The following DNAH14 variants were observed in gnomAD, a reference collection of about 807,000 sequenced individuals.
DNAH14 encodes the protein dynein axonemal heavy chain 14.
In DNAH14, 478 loss-of-function variants were observed where a neutral mutation model predicts 520.9. That is an observed-to-expected ratio of 0.92 (90% CI 0.85 to 0.99). The LOEUF (loss-of-function observed/expected upper bound fraction) is 0.99, where lower values mean the gene tolerates loss of function less well. DNAH14 is among the 50% of genes least tolerant of loss of function. DNAH14 has a pLI of 0.00. For missense variants in DNAH14, 4,831 were observed against 5,234.5 expected, an observed-to-expected ratio of 0.92 and a Z score of 2.38; for synonymous variants, 1,581 against 1,757.2, an observed-to-expected ratio of 0.90 and a Z score of 2.51.
At chr1:225,353,571 A>T (rs1055156058) in intron 72 of DNAH14, among the ~76,000 whole-genome samples, 7 of 152,042 alleles carry the variant, frequency 4.6e-5, no homozygotes, top group African/African-American at 1.7e-4. Flanking sequence ...TCACCACTTC[A>T]GTTGGTCCAA....
intron 17 of DNAH14, among the ~76,000 whole-genome samples, chr1:225,054,104 G>T (rs1418424733): frequency 1.3e-5 from 2 of 152,138 alleles, no homozygotes; most frequent in Non-Finnish European, 2.9e-5. Context: ...ACAGTGGCAG[G>T]CAGTAAAGAC....
In DNAH14 at chr1:225,271,990, G is replaced by A; in HGVS notation, c.7756G>A (p.Ala2586Thr). 1.9e-6 allele frequency: 3 copies of A among 1,550,710 alleles called. No individual in the cohort carries two copies. The highest frequency in any genetic ancestry group is 2.6e-6 in the Non-Finnish European group (3 of 1,146,524). The stretch of plus-strand genomic sequence containing the variant: ...GGATCAGATAATATCTTGTTCCCTA[G>A]CTATATACCATCAAGTACGTCAGAA... ...SKDQIISCSLAIYHQVRQNML... is the reference protein window; with the variant it reads ...SKDQIISCSLTIYHQVRQNML... Residue 2586 changes from alanine to threonine, a missense_variant, in exon 51 of 86, where the codon GCT (alanine) becomes ACT (threonine). Coordinates refer to ENST00000682510, the MANE Select transcript of DNAH14 (RefSeq NM_001367479.1).
In DNAH14 at chr1:225,010,533, C is replaced by T. The variant is rs369446242; in HGVS notation, c.1107+2989C>T. Reference sequence around the variant, plus strand: ...TGAGGATTTTTGCATCGATGTTCATCAGGGATATTGGCCTGAAATTTTCTT... The same window carrying T: ...TGAGGATTTTTGCATCGATGTTCATTAGGGATATTGGCCTGAAATTTTCTT... On this transcript the variant is annotated intron_variant, in intron 10 of 85. Coordinates refer to ENST00000682510, the MANE Select transcript of DNAH14 (RefSeq NM_001367479.1). Among the ~76,000 whole-genome samples, 39 of 152,186 alleles carry T rather than the reference C, an allele frequency of 2.6e-4. 1 individual carries two copies. The East Asian group carries it at 7.0e-3, about 27-fold the overall frequency.
chr1:225,078,387 C>T (rs1305791675), intron 17 of DNAH14, among the ~76,000 whole-genome samples: 3 of 152,204 alleles, frequency 2.0e-5, no homozygotes, highest in Admixed American at 1.3e-4. Flanking sequence ...TATTATGCAC[C>T]GTTCACATTT....
At position 225,061,645 on chromosome 1, in the gene DNAH14, A is replaced by G. The variant is rs192461270; in HGVS notation, c.2424+9850A>G. On this transcript the variant is annotated intron_variant, in intron 17 of 85. Transcript: ENST00000682510. ...AGACTGGAGCTGTTCCTATACGGCC[A>G]TCTTGGATCCTAGATTATTGTTTTT... Among the ~76,000 whole-genome samples the G allele has an allele frequency of 5.7e-3, 866 of 152,268 alleles. 5 individuals carry two copies. The highest frequency in any genetic ancestry group is 8.9e-3 in the Non-Finnish European group (608 of 68,022).
chr1:225,377,163 T>G (rs74959932), intron 78 of DNAH14, 74 bp from the exon 79 acceptor site: 63,106 of 1,248,352 alleles, frequency 0.051, 1,749 homozygotes, highest in South Asian at 0.065. Context: ...GGTATCTTAC[T>G]CTGGCAAAAA....
At position 225,300,893 on chromosome 1, in the gene DNAH14, T is replaced by A; in HGVS notation, c.8494T>A (p.Tyr2832Asn). ...GGACTCATTTTTAGAAGATTTGAAC[T>A]ACATCATCAGTTCAGGAAGAATACC... ...EQDSFLEDLNYIISSGRIPDL... is the reference protein window; with the variant it reads ...EQDSFLEDLNNIISSGRIPDL... The change falls in exon 56 of 86, where the codon TAC becomes AAC. Residue 2832 changes from tyrosine (Y) to asparagine (N), a missense_variant. By Grantham distance (143) the Tyr-to-Asn change is moderately radical. Coordinates refer to ENST00000682510, the MANE Select transcript of DNAH14 (RefSeq NM_001367479.1). 1.3e-6 allele frequency: 2 copies of A among 1,550,634 alleles called. No individual in the cohort carries two copies. The highest frequency in any genetic ancestry group is 2.4e-5 in the South Asian group (2 of 83,604).
chr1:225,027,501 G>A (rs566301992), intron 11 of DNAH14, among the ~76,000 whole-genome samples: 46 of 152,256 alleles, frequency 3.0e-4, no homozygotes, highest in Admixed American at 3.0e-3. Flanking sequence ...GAAGAGGTCT[G>A]ATTGGCTCAT....
At chr1:225,261,556 G>A (rs1217375019) in intron 46 of DNAH14, among the ~76,000 whole-genome samples, 9 of 151,964 alleles carry the variant, frequency 5.9e-5, no homozygotes, top group African/African-American at 2.2e-4. Flanking sequence ...AGTCTTTTGA[G>A]GATTTTTGCA....
intron 66 of DNAH14, among the ~76,000 whole-genome samples, chr1:225,335,320 C>T (rs1400469336): frequency 8.3e-6 from 1 of 120,474 alleles, no homozygotes; most frequent in Non-Finnish European, 1.7e-5. Context: ...TGTGTATATG[C>T]ACATATACAC....
At chr1:224,960,045 C>A in intron 3 of DNAH14, 108 bp from the exon 4 acceptor site, 1 of 1,109,480 alleles carries the variant, frequency 9.0e-7, no homozygotes, top group Non-Finnish European at 1.2e-6. Flanking sequence ...AACTACCATG[C>A]TATACTGCCT....
intron 17 of DNAH14, among the ~76,000 whole-genome samples, chr1:225,077,890 A>G (rs763258035): frequency 2.6e-5 from 4 of 152,114 alleles, no homozygotes; most frequent in Non-Finnish European, 5.9e-5. Context: ...ACTTTTTTGT[A>G]TTGTGATTTT....
At chr1:225,173,685 T>A (rs530476717) in intron 36 of DNAH14, among the ~76,000 whole-genome samples, 1 of 152,310 alleles carries the variant, frequency 6.6e-6, no homozygotes, top group South Asian at 2.1e-4. Context: ...GTTCAACCAT[T>A]GTGGAAGTCA....
intron 23 of DNAH14, among the ~76,000 whole-genome samples, chr1:225,110,361 T>C (rs1034674684): frequency 2.3e-5 from 3 of 130,522 alleles, no homozygotes; most frequent in Admixed American, 7.0e-5. Flanking sequence ...TTACTTGTTA[T>C]TAGTCTGTTC....
intron 63 of DNAH14, 61 bp from the exon 64 acceptor site, chr1:225,324,676 G>T: frequency 7.4e-7 from 1 of 1,346,510 alleles, no homozygotes; most frequent in Non-Finnish European, 1.0e-6. Flanking sequence ...AAATATAAAT[G>T]GCATTTTTAA....
chr1:225,191,219 C>T (rs536084015), intron 37 of DNAH14, among the ~76,000 whole-genome samples: 1 of 151,858 alleles, frequency 6.6e-6, no homozygotes, highest in East Asian at 1.9e-4. Flanking sequence ...AGCATTTATC[C>T]CTTTATTCAT....
chr1:225,029,920 A>C (rs1194478649), intron 11 of DNAH14, among the ~76,000 whole-genome samples: 4 of 152,130 alleles, frequency 2.6e-5, no homozygotes, highest in African/African-American at 9.6e-5. Flanking sequence ...TTATAAAATC[A>C]ACTAATCCTA....
At chr1:225,321,770 A>G (rs1251748141) in intron 61 of DNAH14, among the ~76,000 whole-genome samples, 1 of 152,186 alleles carries the variant, frequency 6.6e-6, no homozygotes, top group Non-Finnish European at 1.5e-5. Context: ...ACCGCCTCCA[A>G]TGTTCCAATA....
intron 8 of DNAH14, among the ~76,000 whole-genome samples, chr1:224,998,368 G>C (rs1444317776): frequency 6.6e-6 from 1 of 152,006 alleles, no homozygotes; most frequent in Non-Finnish European, 1.5e-5. Context: ...TGAGAGCCTA[G>C]ATTATTGATT....
Sources: gnomAD v4.1 joint callset for allele counts (sites outside exome capture counted in the v4.1 genomes callset) on GRCh38, gnomAD v4.1.1 for gene constraint, MANE v1.5 for transcripts, NCBI Gene and HGNC (gene_info 2026-07-23, HGNC 2026-07-21) for gene names.